FBXO11: variants seen among roughly 807,000 people sequenced by gnomAD.
The protein encoded by FBXO11 is F-box only protein 11.
A neutral mutation model predicts 117.0 loss-of-function variants in FBXO11; 13 were observed. The ratio of observed to expected loss-of-function variants is 0.11; its 90% CI spans 0.07 to 0.18. The LOEUF (loss-of-function observed/expected upper bound fraction) is 0.18. FBXO11 is among the 10% of genes least tolerant of loss of function. FBXO11 has a pLI of 1.00. For missense variants in FBXO11, 767 were observed against 1,164.4 expected (o/e 0.66, Z 4.97); for synonymous variants, 490 against 380.5 (o/e 1.29, Z -3.35).
chr2:47,883,615 G>A (rs538994502), intron 1 of FBXO11: 2 of 314,366 alleles, frequency 6.4e-6, no homozygotes, highest in Admixed American at 3.4e-5. Context: ...GAAGATGAAC[G>A]TACTTTATCT....
At chr2:47,822,326 AAAAG>A (rs1223916044) in intron 12 of FBXO11, 23 bp from the exon 13 acceptor site, 2 of 1,462,654 alleles carry the variant, frequency 1.4e-6, no homozygotes, top group East Asian at 4.6e-5. Context: ...GAAATAAAAA[AAAAG>A]AAGACATCTA....
intron 1 of FBXO11, among the ~76,000 whole-genome samples, chr2:47,842,324 T>A (rs914011532): frequency 6.6e-6 from 1 of 152,272 alleles, no homozygotes. Flanking sequence ...AGGAGGAGAA[T>A]ATAATTAGAA....
At chr2:47,861,771 T>C (rs978482553) in intron 1 of FBXO11, among the ~76,000 whole-genome samples, 4 of 152,138 alleles carry the variant, frequency 2.6e-5, no homozygotes, top group African/African-American at 7.2e-5. Flanking sequence ...GGATGACGGA[T>C]GCATTATTTA....
chr2:47,825,571 CTTTTTTTTTTTT>C (rs751404253), intron 11 of FBXO11, among the ~76,000 whole-genome samples: 4 of 88,312 alleles, frequency 4.5e-5, no homozygotes, highest in East Asian at 3.3e-4. Context: ...TCTTCTTCTT[CTTTTTTTTTTTT>C]TTTTTTTTTT....
At chr2:47,830,256 TA>T (rs1672081251) in intron 11 of FBXO11, among the ~76,000 whole-genome samples, 2 of 152,106 alleles carry the variant, frequency 1.3e-5, no homozygotes, top group Non-Finnish European at 2.9e-5. Flanking sequence ...TGCTCAATGC[TA>T]CAATAGAAAA....
chr2:47,875,011 A>C (rs528375418), intron 1 of FBXO11, among the ~76,000 whole-genome samples: 1 of 152,212 alleles, frequency 6.6e-6, no homozygotes, highest in Non-Finnish European at 1.5e-5. Flanking sequence ...GTCTGAGAAA[A>C]TTCATACAGG....
Position 47,807,000 on chromosome 2 carries a change from A to T in FBXO11, c.*1118T>A, listed in dbSNP as rs1377442895. The T allele has an allele frequency of 1.4e-6, 1 of 705,356 alleles. No homozygotes were observed. Among genetic ancestry groups the T allele is most frequent in the Non-Finnish European group, 2.5e-6 (1 of 402,224 alleles). The allele number at this position is 705,356 out of a possible 1,614,324, so 43.7% of individuals were successfully genotyped here. A position where few individuals can be genotyped will look rare whatever the true frequency, so the allele number is the denominator to read the frequency against. ...AGGAAATTAAACCCTTTTAATTCTT[A>T]TCTACCTTCTACATAATGGTTATTG... On this transcript the variant is annotated 3_prime_UTR_variant, in exon 23 of 23. Transcript: ENST00000403359.
intron 1 of FBXO11, among the ~76,000 whole-genome samples, chr2:47,902,619 G>C (rs1455016885): frequency 1.3e-5 from 2 of 151,976 alleles, no homozygotes; most frequent in Admixed American, 1.3e-4. Flanking sequence ...ATATTTAAAA[G>C]TGGTGTCAAG....
chr2:47,895,153 G>C (rs1454986323), intron 1 of FBXO11, among the ~76,000 whole-genome samples: 1 of 152,164 alleles, frequency 6.6e-6, no homozygotes, highest in South Asian at 2.1e-4. Flanking sequence ...TGGCAAATGT[G>C]TAAGAATGCT....
At position 47,906,321 on chromosome 2, in the gene FBXO11, C is replaced by A. The variant is rs1678811694; in HGVS notation, c.-601G>T. 6.6e-6 allele frequency among the ~76,000 whole-genome samples: 1 copy of A among 152,114 alleles called. No homozygotes were observed. Among genetic ancestry groups the A allele is most frequent in the African/African-American group, 2.4e-5 (1 of 41,408 alleles). On this transcript the variant is annotated 5_prime_UTR_variant, in exon 1 of 23. Coordinates refer to ENST00000403359, the MANE Select transcript of FBXO11 (RefSeq NM_001190274.2). ...CTCTTCTCTCTCCTCCCCCCCTTCT[C>A]TCCTCGGCGAAGGGGAAATGAGTGT...
intron 1 of FBXO11, among the ~76,000 whole-genome samples, chr2:47,869,566 A>G (rs1051147678): frequency 6.6e-5 from 10 of 152,230 alleles, no homozygotes; most frequent in Admixed American, 5.2e-4. Context: ...GCCCAGACAC[A>G]TCAGGAATGA....
intron 1 of FBXO11, among the ~76,000 whole-genome samples, chr2:47,887,220 G>A (rs1296324725): frequency 6.6e-6 from 1 of 151,668 alleles, no homozygotes; most frequent in African/African-American, 2.4e-5. Context: ...AGGAGGTGGA[G>A]GTTGCGGTGA....
intron 1 of FBXO11, among the ~76,000 whole-genome samples, chr2:47,844,568 T>C (rs765317767): frequency 7.9e-5 from 12 of 152,256 alleles, no homozygotes; most frequent in Non-Finnish European, 1.5e-4. Flanking sequence ...CTCTGATTTC[T>C]GATACCTATG....
At chr2:47,883,538 C>A in intron 1 of FBXO11, 1 of 378,006 alleles carries the variant, frequency 2.6e-6, no homozygotes, top group Non-Finnish European at 5.3e-6. Flanking sequence ...ATGTAAAGGC[C>A]AAGATCCAGG....
chr2:47,818,910 T>A, intron 15 of FBXO11, 46 bp from the exon 16 acceptor site: 1 of 1,585,950 alleles, frequency 6.3e-7, no homozygotes, highest in Non-Finnish European at 8.5e-7. Flanking sequence ...GGACAAGTAT[T>A]TACAAAACAA....
chr2:47,847,729 T>A (rs1673528475), intron 1 of FBXO11, among the ~76,000 whole-genome samples: 1 of 149,290 alleles, frequency 6.7e-6, no homozygotes. Flanking sequence ...CAAAATATGG[T>A]ATCATAATTT....
intron 3 of FBXO11, 118 bp from the exon 4 acceptor site, chr2:47,839,121 A>T: frequency 9.5e-7 from 1 of 1,048,122 alleles, no homozygotes; most frequent in East Asian, 2.5e-5. Flanking sequence ...TGGTCATTTT[A>T]TAAGCATGTG....
At chr2:47,846,913 C>A (rs1159797267) in intron 1 of FBXO11, among the ~76,000 whole-genome samples, 3 of 152,252 alleles carry the variant, frequency 2.0e-5, no homozygotes, top group Non-Finnish European at 4.4e-5. Flanking sequence ...TTGGACAATG[C>A]AGACACATAC....
intron 1 of FBXO11, among the ~76,000 whole-genome samples, chr2:47,877,624 C>A (rs537898434): frequency 1.3e-5 from 2 of 152,020 alleles, no homozygotes; most frequent in East Asian, 1.9e-4. Flanking sequence ...CTTACCCTAA[C>A]GATTTTTCAT....
Sources: gnomAD v4.1 joint callset for allele counts (sites outside exome capture counted in the v4.1 genomes callset) on GRCh38, gnomAD v4.1.1 for gene constraint, MANE v1.5 for transcripts, NCBI Gene and HGNC (gene_info 2026-07-23, HGNC 2026-07-21) for gene names.